NBEAL1: variants seen among roughly 807,000 people sequenced by gnomAD.
NBEAL1 encodes neurobeachin-like protein 1.
A neutral mutation model predicts 351.3 loss-of-function variants in NBEAL1; 273 were observed. That is an observed-to-expected ratio of 0.78 (90% confidence interval 0.70 to 0.86). The LOEUF is 0.86. Ranked by LOEUF, NBEAL1 falls within the 40% of genes least tolerant of loss-of-function variation. The pLI, the probability that NBEAL1 is intolerant of heterozygous loss-of-function variation, is 0.00. For missense variants in NBEAL1, 2,961 were observed against 3,201.3 expected, an observed-to-expected ratio of 0.92 and a Z score of 1.81; for synonymous variants, 1,050 against 1,086.4, an observed-to-expected ratio of 0.97 and a Z score of 0.66.
At chr2:203,151,133 C>T (rs2063639661) in intron 34 of NBEAL1, among the ~76,000 whole-genome samples, 1 of 152,134 alleles carries the variant, frequency 6.6e-6, no homozygotes, top group African/African-American at 2.4e-5. Flanking sequence ...GAGTTCGAGA[C>T]CAGCCTGACC....
In NBEAL1 at chr2:203,224,704, C is replaced by T. The variant is rs1210155442; in HGVS notation, c.*7350C>T. On this transcript the variant is annotated 3_prime_UTR_variant, in exon 56 of 56. Transcript: ENST00000683969. ...GTATTTATCTTAAAATGTTCCTTCT[C>T]ACTTATTCTACTGGAATTGACCATG... is the stretch of plus-strand genomic sequence containing the variant. Among the ~76,000 whole-genome samples, 2 of 152,154 alleles carry T rather than the reference C, an allele frequency of 1.3e-5. No individual in the cohort carries two copies. Among genetic ancestry groups the T allele is most frequent in the Admixed American group, 6.5e-5 (1 of 15,270 alleles).
chr2:203,018,038 A>G (rs2060708137), intron 2 of NBEAL1, among the ~76,000 whole-genome samples: 4 of 152,158 alleles, frequency 2.6e-5, no homozygotes, highest in African/African-American at 9.6e-5. Flanking sequence ...TTTATATTTT[A>G]CCAGTTAACG....
chr2:203,135,289 TA>T (rs35976499), intron 27 of NBEAL1, among the ~76,000 whole-genome samples: 1 of 152,188 alleles, frequency 6.6e-6, no homozygotes, highest in African/African-American at 2.4e-5. Flanking sequence ...TGCTAGTGCC[TA>T]AAACTGTGCC....
intron 7 of NBEAL1, chr2:203,074,788 C>A: frequency 5.6e-6 from 1 of 179,540 alleles, no homozygotes; most frequent in Non-Finnish European, 1.2e-5. Context: ...GTAGACCTGG[C>A]CACATCATTG....
chr2:203,040,032 G>A (rs1394732296), intron 2 of NBEAL1: 6 of 608,050 alleles, frequency 9.9e-6, no homozygotes, highest in Non-Finnish European at 1.7e-5. Flanking sequence ...GTAAAAATAG[G>A]CCTCATTGAG....
At chr2:203,039,083 T>G (rs899707770) in intron 2 of NBEAL1, among the ~76,000 whole-genome samples, 8 of 148,656 alleles carry the variant, frequency 5.4e-5, no homozygotes, top group Non-Finnish European at 1.2e-4. Flanking sequence ...TTGTCCTAGC[T>G]AAGAAACCTC....
intron 46 of NBEAL1, chr2:203,190,708 C>A (rs569926589): frequency 6.4e-7 from 1 of 1,568,128 alleles, no homozygotes. Context: ...GCTTTCGGCT[C>A]GGAGGAGGCC....
chr2:203,085,096 A>T (rs149272455), intron 10 of NBEAL1: 1 of 154,206 alleles, frequency 6.5e-6, no homozygotes, highest in African/African-American at 2.4e-5. Flanking sequence ...ATGTTTTTGT[A>T]TAAGAAATAG....
At chr2:203,076,263 A>T (rs1343340015) in intron 7 of NBEAL1, among the ~76,000 whole-genome samples, 1 of 152,022 alleles carries the variant, frequency 6.6e-6, no homozygotes. Flanking sequence ...TGGGCAGATC[A>T]CCTGAGCCCA....
chr2:203,088,502 G>A lies in NBEAL1; in HGVS notation c.1098+3933G>A, dbSNP rs1016897844. Among the ~76,000 whole-genome samples the A allele has an allele frequency of 2.0e-5, 3 of 152,146 alleles. No homozygotes were observed. In the East Asian group the frequency reaches 5.8e-4, roughly 29 times the overall value. Reference sequence around the variant, plus strand: ...GAAGGGATCAGGGAAAGAACACACAGGTACCCTCGCTCTGTCCCCATAAAT... The same window carrying A: ...GAAGGGATCAGGGAAAGAACACACAAGTACCCTCGCTCTGTCCCCATAAAT... On this transcript the variant is annotated intron_variant, in intron 10 of 55. Transcript: ENST00000683969.
chr2:203,217,118 T>TTGA (rs1377126379), intron 55 of NBEAL1, 135 bp from the exon 56 acceptor site: 1 of 579,794 alleles, frequency 1.7e-6, no homozygotes, highest in Non-Finnish European at 2.6e-6. Flanking sequence ...TTCTCTATTA[T>TTGA]TGATAACCTT....
At position 203,057,419 on chromosome 2, in the gene NBEAL1, G is replaced by A; in HGVS notation, c.481G>A (p.Asp161Asn). The change falls in exon 6 of 56, where the codon GAT (aspartate) becomes AAT (asparagine). Residue 161 changes from aspartate to asparagine, a missense_variant. Asp to Asn is a conservative substitution (Grantham distance 23, BLOSUM62 1). Coordinates refer to ENST00000683969, the MANE Select transcript of NBEAL1 (RefSeq NM_001378026.1). The stretch of plus-strand genomic sequence containing the variant: ...ATTGGCATTTTGTGAAAGCTTATAT[G>A]ATCCATATCGGAATTGGAGACATAG... ...HALAFCESLYDPYRNWRHRIS... is the reference protein window; with the variant it reads ...HALAFCESLYNPYRNWRHRIS... 2 of 1,552,250 alleles carry A rather than the reference G, an allele frequency of 1.3e-6. No individual in the cohort carries two copies. The highest frequency in any genetic ancestry group is 8.7e-7 in the Non-Finnish European group (1 of 1,146,460).
intron 48 of NBEAL1, among the ~76,000 whole-genome samples, chr2:203,198,020 C>CT (rs71034228): frequency 0.26 from 30,503 of 118,548 alleles, 5,317 homozygotes; most frequent in East Asian, 0.58. Flanking sequence ...TTTTTCTTTT[C>CT]TTTTTTTTTT....
intron 41 of NBEAL1, 50 bp from the exon 42 acceptor site, chr2:203,175,097 T>G: frequency 6.8e-7 from 1 of 1,473,100 alleles, no homozygotes; most frequent in Non-Finnish European, 9.4e-7. Flanking sequence ...TATGCCCCCT[T>G]ATGTACTTTA....
At chr2:203,055,440 C>G (rs1188716670) in intron 4 of NBEAL1, among the ~76,000 whole-genome samples, 2 of 151,814 alleles carry the variant, frequency 1.3e-5, no homozygotes, top group Non-Finnish European at 2.9e-5. Context: ...CTCATCTCAA[C>G]AAAAAATGTA....
intron 44 of NBEAL1, among the ~76,000 whole-genome samples, chr2:203,184,736 A>C (rs1281171674): frequency 6.6e-6 from 1 of 151,856 alleles, no homozygotes. Flanking sequence ...CCTATGCATG[A>C]ATAAGGAATT....
At chr2:203,065,708 C>T (rs1030997624) in intron 6 of NBEAL1, among the ~76,000 whole-genome samples, 2 of 151,760 alleles carry the variant, frequency 1.3e-5, no homozygotes, top group Admixed American at 6.6e-5. Flanking sequence ...GCCGAGATTG[C>T]GCCACTGCAC....
chr2:203,178,033 A>C (rs1392947361), intron 42 of NBEAL1, among the ~76,000 whole-genome samples: 1 of 152,052 alleles, frequency 6.6e-6, no homozygotes, highest in African/African-American at 2.4e-5. Flanking sequence ...AAAAAAAATA[A>C]AAAAGTTAAA....
chr2:203,141,269 C>A (rs1306866273), intron 31 of NBEAL1, among the ~76,000 whole-genome samples: 3 of 140,990 alleles, frequency 2.1e-5, no homozygotes, highest in African/African-American at 7.8e-5. Flanking sequence ...ATTTAGTTCA[C>A]AATTAAGTAT....
Sources: gnomAD v4.1 joint callset for allele counts (sites outside exome capture counted in the v4.1 genomes callset) on GRCh38, gnomAD v4.1.1 for gene constraint, MANE v1.5 for transcripts, NCBI Gene and HGNC (gene_info 2026-07-23, HGNC 2026-07-21) for gene names.